The following NAF1 variants were observed in gnomAD, a reference collection of about 807,000 sequenced individuals.
NAF1 encodes the protein H/ACA ribonucleoprotein complex non-core subunit NAF1.
In NAF1, 11 loss-of-function variants were observed where a neutral mutation model predicts 40.6. That is an observed-to-expected ratio of 0.27 (90% CI 0.17 to 0.45). NAF1 has a LOEUF of 0.45. Among genes scored for constraint, NAF1 ranks in the 20% least tolerant of loss-of-function variants. The probability of loss-of-function intolerance (pLI) is 1.00; values close to 1 mark genes in which losing one functional copy is unlikely to be tolerated. For missense variants in NAF1, 607 were observed against 611.1 expected, an observed-to-expected ratio of 0.99 and a Z score of 0.07; for synonymous variants, 260 against 228.5, an observed-to-expected ratio of 1.14 and a Z score of -1.24.
downstream of NAF1, chr4:163,127,096 T>C: frequency 1.3e-6 from 2 of 1,551,566 alleles, no homozygotes; most frequent in South Asian, 2.4e-5. Flanking sequence ...GGCCACAATA[T>C]CTGTGAGATA....
Position 163,129,276 on chromosome 4 carries a change from C to T in NAF1, c.1106G>A (p.Arg369His), listed in dbSNP as rs1040664045. 6.8e-6 allele frequency: 11 copies of T among 1,613,958 alleles called. No individual in the cohort carries two copies. The highest frequency in any genetic ancestry group is 1.1e-5 in the South Asian group (1 of 91,080). ...SSASEHAKGYRNREFTRGFSR... is the reference protein window; with the variant it reads ...SSASEHAKGYHNREFTRGFSR... The stretch of plus-strand genomic sequence containing the variant: ...AAATCCTCGTGTGAATTCTCTGTTA[C>T]GATATCCTTTTGCATGCTCTGAAGC... The change falls in exon 8 of 8, where the codon CGT (arginine) becomes CAT (histidine). Residue 369 changes from arginine (R) to histidine (H), a missense_variant. Arg to His is a conservative substitution (Grantham distance 29). Transcript: ENST00000274054.
chr4:163,153,438 T>G (rs1472934350), intron 2 of NAF1, among the ~76,000 whole-genome samples: 1 of 152,164 alleles, frequency 6.6e-6, no homozygotes, highest in Non-Finnish European at 1.5e-5. Context: ...ATCTAGCTGC[T>G]CTGGTGGGGC....
At chr4:163,129,408 T>A (rs1730786071) in intron 7 of NAF1, 60 bp from the exon 8 acceptor site, 1 of 1,449,390 alleles carries the variant, frequency 6.9e-7, no homozygotes, top group Non-Finnish European at 9.3e-7. Context: ...TCAAAAAGCA[T>A]TGTTTGAAAT....
chr4:163,117,075 T>TA (rs935279814), intron 2 of NAF1, among the ~76,000 whole-genome samples: 5 of 152,226 alleles, frequency 3.3e-5, no homozygotes, highest in African/African-American at 1.2e-4. Flanking sequence ...CATACCTATC[T>TA]ACCTGCTGGT....
Position 163,132,068 on chromosome 4 carries a change from T to C in NAF1, c.1033+1086A>G, listed in dbSNP as rs563145180. ...AATTAAAAACAGTGATAACACCAAA[T>C]GCTGGAGAAAATGCAAAGAAATTGT... is the stretch of plus-strand genomic sequence containing the variant. On this transcript the variant is annotated intron_variant, in intron 7 of 7. Transcript: ENST00000274054. 2.1e-3 allele frequency among the ~76,000 whole-genome samples: 318 copies of C among 152,238 alleles called. 2 individuals carry two copies. Among genetic ancestry groups the C allele is most frequent in the Non-Finnish European group, 3.9e-3 (262 of 67,992 alleles).
At position 163,129,086 on chromosome 4, in the gene NAF1, A is replaced by T; in HGVS notation, c.1296T>A (p.His432Gln). The T allele has an allele frequency of 6.3e-7, 1 of 1,599,044 alleles. No homozygotes were observed. Among genetic ancestry groups the T allele is most frequent in the Non-Finnish European group, 8.5e-7 (1 of 1,170,862 alleles). Residue 432 changes from histidine to glutamine, a missense_variant, in exon 8 of 8, where the codon CAT becomes CAA. Physicochemically the swap from His to Gln is conservative, Grantham distance 24 (BLOSUM62 0). Coordinates refer to ENST00000274054, the MANE Select transcript of NAF1 (RefSeq NM_138386.3). ...GGGGTGGAGGGCGGAGGGGAAAATT[A>T]TGCATGTCAAACACTGGAAGAGGAA... ...YPFPLPVFDM[H>Q]NFPLRPPPPP...
At chr4:163,163,728 C>T (rs1334010508) in intron 2 of NAF1, among the ~76,000 whole-genome samples, 1 of 152,058 alleles carries the variant, frequency 6.6e-6, no homozygotes, top group Non-Finnish European at 1.5e-5. Flanking sequence ...CCAAAAACTT[C>T]AATAGGAATC....
At chr4:163,134,574 C>A (rs1186862592) in intron 6 of NAF1, among the ~76,000 whole-genome samples, 2 of 152,050 alleles carry the variant, frequency 1.3e-5, no homozygotes, top group Non-Finnish European at 2.9e-5. Context: ...ATTAAATGTA[C>A]AATGAACAAG....
At chr4:163,164,159 T>C in intron 2 of NAF1, 58 bp downstream of exon 2, 1 of 1,420,842 alleles carries the variant, frequency 7.0e-7, no homozygotes, top group Non-Finnish European at 9.2e-7. Flanking sequence ...AGATCAATAC[T>C]GGTACCAGAA....
intron 2 of NAF1, among the ~76,000 whole-genome samples, chr4:163,155,751 CT>C (rs1731960895): frequency 6.6e-6 from 1 of 152,172 alleles, no homozygotes; most frequent in South Asian, 2.1e-4. Context: ...AAATCAATCA[CT>C]TTGCTTTTCC....
intron 7 of NAF1, among the ~76,000 whole-genome samples, chr4:163,132,465 C>T (rs1730908714): frequency 6.6e-6 from 1 of 152,128 alleles, no homozygotes; most frequent in Admixed American, 6.5e-5. Context: ...AAAGCCTTTC[C>T]CTAATCGTAC....
At chr4:163,144,658 T>C (rs1414150980) in intron 4 of NAF1, among the ~76,000 whole-genome samples, 1 of 152,236 alleles carries the variant, frequency 6.6e-6, no homozygotes, top group Non-Finnish European at 1.5e-5. Context: ...AAAGCATTTA[T>C]AAAGCATTCT....
intron 2 of NAF1, among the ~76,000 whole-genome samples, chr4:163,149,351 G>T (rs753944410): frequency 6.6e-6 from 1 of 152,116 alleles, no homozygotes. Context: ...TGGAAAAGGT[G>T]GGAAAACCTA....
chr4:163,127,987 A>G (rs1190062094), downstream of NAF1, among the ~76,000 whole-genome samples: 2 of 152,212 alleles, frequency 1.3e-5, no homozygotes, highest in African/African-American at 4.8e-5. Context: ...TCTTTGGAAC[A>G]CTTAGGCTCC....
intron 2 of NAF1, among the ~76,000 whole-genome samples, chr4:163,111,501 A>C (rs893828304): frequency 2.6e-5 from 4 of 152,214 alleles, no homozygotes; most frequent in African/African-American, 9.6e-5. Flanking sequence ...AGGGAGCAGA[A>C]ATGTCCAGTG....
At chr4:163,142,294 G>A (rs1731292514) in intron 4 of NAF1, among the ~76,000 whole-genome samples, 1 of 152,118 alleles carries the variant, frequency 6.6e-6, no homozygotes, top group Admixed American at 6.5e-5. Context: ...TCTTCATTTG[G>A]TCAGAGATTT....
At chr4:163,109,944 A>T (rs1208548727), downstream of NAF1, 1 of 289,882 alleles carries the variant, frequency 3.4e-6, no homozygotes, top group Non-Finnish European at 6.4e-6. Flanking sequence ...TGTGCTTTTA[A>T]AATGCAGATA....
intron 2 of NAF1, among the ~76,000 whole-genome samples, chr4:163,155,244 G>A (rs1444652883): frequency 6.6e-6 from 1 of 152,056 alleles, no homozygotes; most frequent in Non-Finnish European, 1.5e-5. Flanking sequence ...CAATATTTCT[G>A]TATTTACTTA....
chr4:163,160,366 A>C (rs1278017627), intron 2 of NAF1, among the ~76,000 whole-genome samples: 1 of 152,150 alleles, frequency 6.6e-6, no homozygotes, highest in African/African-American at 2.4e-5. Flanking sequence ...AAACAAAAAC[A>C]AAAACAAAAA....
Sources: gnomAD v4.1 joint callset for allele counts (sites outside exome capture counted in the v4.1 genomes callset) on GRCh38, gnomAD v4.1.1 for gene constraint, MANE v1.5 for transcripts, NCBI Gene and HGNC (gene_info 2026-07-23, HGNC 2026-07-21) for gene names.